The following NSUN7 variants were observed in gnomAD, a reference collection of about 807,000 sequenced individuals.
NSUN7 encodes the protein NOP2/Sun RNA methyltransferase family member 7, also known as protein NSUN7.
A neutral mutation model predicts 58.5 loss-of-function variants in NSUN7; 39 were observed. That is an observed-to-expected ratio of 0.67 (90% CI 0.52 to 0.87). NSUN7 has a LOEUF of 0.87. Ranked by LOEUF, NSUN7 falls within the 40% of genes least tolerant of loss-of-function variation. The pLI, the probability that NSUN7 is intolerant of heterozygous loss-of-function variation, is 0.00. For synonymous variants in NSUN7, 278 were observed against 303.7 expected, an observed-to-expected ratio of 0.92 and a Z score of 0.88; for missense variants, 765 against 844.1, an observed-to-expected ratio of 0.91 and a Z score of 1.16.
intron 7 of NSUN7, among the ~76,000 whole-genome samples, chr4:40,784,953 A>T (rs1269083581): frequency 2.0e-5 from 3 of 152,256 alleles, no homozygotes; most frequent in African/African-American, 7.2e-5. Context: ...GTGACTGCAC[A>T]GAACACATAA....
intron 7 of NSUN7, among the ~76,000 whole-genome samples, chr4:40,781,722 A>G (rs1742575623): frequency 6.6e-6 from 1 of 152,222 alleles, no homozygotes; most frequent in Non-Finnish European, 1.5e-5. Flanking sequence ...TTGGGATTAC[A>G]GGCATAAGCC....
At chr4:40,786,161 C>T in intron 7 of NSUN7, 1 of 1,612,936 alleles carries the variant, frequency 6.2e-7, no homozygotes, top group Non-Finnish European at 8.5e-7. Flanking sequence ...AACCTGCCTT[C>T]ATTTCAGTCC....
At chr4:40,776,314 C>T (rs576228289) in intron 7 of NSUN7, 55 bp downstream of exon 7, 198 of 1,247,966 alleles carry the variant, frequency 1.6e-4, no homozygotes, top group Non-Finnish European at 1.9e-4. Flanking sequence ...ATTTTAGAAA[C>T]GTTAAAAAGT....
At position 40,761,890 on chromosome 4, in the gene NSUN7, G is replaced by T. The variant is rs1741479457; in HGVS notation, c.488+589G>T. 2.6e-5 allele frequency among the ~76,000 whole-genome samples: 4 copies of T among 152,264 alleles called. No homozygotes were observed. In the South Asian group the frequency reaches 8.3e-4, roughly 32 times the overall value. ...TTAGAACCAGACATAAAGTAAATTG[G>T]TCAGTAAATGTTAAGTGTTACTGTT... On this transcript the variant is annotated intron_variant, in intron 4 of 11. Coordinates refer to ENST00000381782, the MANE Select transcript of NSUN7 (RefSeq NM_024677.6).
At chr4:40,802,995 T>C (rs953075455) in intron 10 of NSUN7, among the ~76,000 whole-genome samples, 8 of 140,802 alleles carry the variant, frequency 5.7e-5, no homozygotes, top group African/African-American at 2.1e-4. Context: ...GTCCATGTGT[T>C]CTCATTGTTC....
chr4:40,761,052 T>C lies in NSUN7; in HGVS notation c.358-119T>C. 5.2e-6 allele frequency: 4 copies of C among 766,886 alleles called. No homozygotes were observed. The Admixed American group carries it at 9.4e-5, about 18-fold the overall frequency. 47.5% of individuals were successfully genotyped at this position (766,886 alleles called of 1,614,324 possible). A position where few individuals can be genotyped will look rare whatever the true frequency, so the allele number is the denominator to read the frequency against. ...AGACCTTCCCAATCCAATCAGACTA[T>C]GTAAAAATAGTCGTATTCCTGCTCT... is the stretch of plus-strand genomic sequence containing the variant. On this transcript the variant is annotated intron_variant, in intron 3 of 11. Coordinates refer to ENST00000381782, the MANE Select transcript of NSUN7 (RefSeq NM_024677.6).
intron 11 of NSUN7, among the ~76,000 whole-genome samples, chr4:40,807,557 C>T (rs1026173871): frequency 2.0e-5 from 3 of 151,926 alleles, no homozygotes; most frequent in Admixed American, 6.6e-5. Context: ...ACCATCTTGG[C>T]CAGGCTGGTC....
intron 2 of NSUN7, 107 bp downstream of exon 2, chr4:40,751,098 GT>G: frequency 3.1e-6 from 4 of 1,289,312 alleles, no homozygotes; most frequent in Non-Finnish European, 4.3e-6. Flanking sequence ...CCAGGTTTTG[GT>G]TTTAGGCATG....
chr4:40,757,170 G>C (rs565074613), intron 2 of NSUN7, among the ~76,000 whole-genome samples: 1 of 152,024 alleles, frequency 6.6e-6, no homozygotes, highest in Non-Finnish European at 1.5e-5. Flanking sequence ...CAGAGGTTGC[G>C]GTGAGCCGAG....
intron 4 of NSUN7, among the ~76,000 whole-genome samples, chr4:40,772,140 GT>G (rs1742043585): frequency 6.6e-6 from 1 of 151,994 alleles, no homozygotes. Context: ...GGTCCAAAAT[GT>G]TTACTATCTG....
chr4:40,783,257 A>C (rs1345304842), intron 7 of NSUN7, among the ~76,000 whole-genome samples: 1 of 152,244 alleles, frequency 6.6e-6, no homozygotes, highest in Admixed American at 6.5e-5. Context: ...AAGACCATGC[A>C]GTGGGAAATG....
intron 4 of NSUN7, among the ~76,000 whole-genome samples, chr4:40,764,597 T>A (rs146643660): frequency 0.29 from 43,760 of 151,766 alleles, 6,615 homozygotes; most frequent in Non-Finnish European, 0.33. Context: ...ATATACCCAG[T>A]AACGGGATAG....
Position 40,808,969 on chromosome 4 carries a change from A to G in NSUN7, c.*30A>G, listed in dbSNP as rs1353093955. ...CTTGTGTTTTTTATAGGGGCCAAAG[A>G]GCAGTTGATTTTTTTTCAAAGTCTA... On this transcript the variant is annotated 3_prime_UTR_variant, in exon 12 of 12. Transcript: ENST00000381782. 6.8e-7 allele frequency: 1 copy of G among 1,471,798 alleles called. No homozygotes were observed. Among genetic ancestry groups the G allele is most frequent in the Non-Finnish European group, 9.0e-7 (1 of 1,115,716 alleles). The allele number at this position is 1,471,798 out of a possible 1,614,324, so 91.2% of individuals were successfully genotyped here. A position where few individuals can be genotyped will look rare whatever the true frequency, so the allele number is the denominator to read the frequency against.
At chr4:40,764,358 C>T (rs1323234074) in intron 4 of NSUN7, among the ~76,000 whole-genome samples, 1 of 150,642 alleles carries the variant, frequency 6.6e-6, no homozygotes, top group Non-Finnish European at 1.5e-5. Flanking sequence ...CGATAGTTTA[C>T]TGAGAATGAT....
At chr4:40,792,374 G>T (rs1743108783) in intron 8 of NSUN7, among the ~76,000 whole-genome samples, 1 of 152,162 alleles carries the variant, frequency 6.6e-6, no homozygotes, top group African/African-American at 2.4e-5. Context: ...TACAAATAAG[G>T]AAAGTGGGGA....
At chr4:40,798,673 T>G in intron 9 of NSUN7, 114 bp from the exon 10 acceptor site, 1 of 523,718 alleles carries the variant, frequency 1.9e-6, no homozygotes, top group Admixed American at 3.1e-5. Flanking sequence ...CTGGGGAAAT[T>G]ATTCTCATCA....
At chr4:40,767,828 T>G (rs569256272) in intron 4 of NSUN7, among the ~76,000 whole-genome samples, 2 of 152,342 alleles carry the variant, frequency 1.3e-5, no homozygotes, top group South Asian at 4.1e-4. Context: ...CTTCATTTTT[T>G]TCCTCTGCAC....
chr4:40,758,135 G>C (rs143710896), intron 2 of NSUN7, among the ~76,000 whole-genome samples: 2 of 151,994 alleles, frequency 1.3e-5, no homozygotes, highest in Admixed American at 6.6e-5. Flanking sequence ...AGCCAGGCTG[G>C]CCTTGAACTC....
At chr4:40,755,038 A>G (rs1390804757) in intron 2 of NSUN7, among the ~76,000 whole-genome samples, 4 of 152,332 alleles carry the variant, frequency 2.6e-5, no homozygotes, top group African/African-American at 7.2e-5. Flanking sequence ...ACTAATGAAA[A>G]GTTGCCTATT....
Sources: allele counts gnomAD v4.1 joint callset (sites outside exome capture counted in the v4.1 genomes callset), GRCh38; gene constraint gnomAD v4.1.1; transcripts MANE v1.5; gene names NCBI Gene and HGNC (gene_info 2026-07-23, HGNC 2026-07-21).